GRID1: variants seen among roughly 807,000 people sequenced by gnomAD.
GRID1 encodes the protein glutamate receptor ionotropic, delta-1.
GRID1 carries 28 observed loss-of-function variants against 98.0 expected under a neutral mutation model. That is an observed-to-expected ratio of 0.29 (90% CI 0.21 to 0.39). The LOEUF (loss-of-function observed/expected upper bound fraction) is 0.39. GRID1 is among the 10% of genes least tolerant of loss of function. The probability of loss-of-function intolerance (pLI) is 1.00; values close to 1 mark genes in which losing one functional copy is unlikely to be tolerated. For synonymous variants in GRID1, 553 were observed against 538.5 expected, an observed-to-expected ratio of 1.03 and a Z score of -0.37; for missense variants, 1,111 against 1,340.5, an observed-to-expected ratio of 0.83 and a Z score of 2.67.
At position 85,916,068 on chromosome 10, in the gene GRID1, C is replaced by T. The variant is rs1331300686; in HGVS notation, c.780+118G>A. On this transcript the variant is annotated intron_variant, in intron 5 of 15. Transcript: ENST00000327946. The surrounding 1 kb of genome is among the most constrained non-coding windows in gnomAD (Gnocchi z 4.0). ...GAGTTTTTGCCTGGGCTAGGTGGAGCCCCAGGATTCACAACAGCCCCCTAA... is the reference window on the plus strand; with the variant it reads ...GAGTTTTTGCCTGGGCTAGGTGGAGTCCCAGGATTCACAACAGCCCCCTAA... 8 of 786,698 alleles carry T rather than the reference C, an allele frequency of 1.0e-5. No individual in the cohort carries two copies. The highest frequency in any genetic ancestry group is 1.7e-5 in the Non-Finnish European group (8 of 465,886). The allele number at this position is 786,698 out of a possible 1,614,324, so 48.7% of individuals were successfully genotyped here.
chr10:86,194,188 A>G (rs1162643981), intron 3 of GRID1, among the ~76,000 whole-genome samples: 1 of 152,106 alleles, frequency 6.6e-6, no homozygotes, highest in Admixed American at 6.6e-5. Flanking sequence ...TCTGCTTTCT[A>G]GCAATCCAAC....
chr10:85,880,171 A>G (rs1169106661), intron 5 of GRID1, among the ~76,000 whole-genome samples: 3 of 152,230 alleles, frequency 2.0e-5, no homozygotes, highest in African/African-American at 4.8e-5. Flanking sequence ...AGATGGATTC[A>G]CAGCCGAATT....
Position 85,724,361 on chromosome 10 carries a change from C to G in GRID1, c.1849G>C (p.Val617Leu), listed in dbSNP as rs1427231614. ...SAIWIVYGAF[V>L]QQGGESSVNS... ...GAAACCAGAAAGGTACCTTGCTGTA[C>G]GAAGGCTCCATAGACAATCCAGATG... Residue 617 changes from valine (V) to leucine (L), a missense_variant, in exon 11 of 16, where the codon GTA becomes CTA. Val to Leu is a conservative substitution (Grantham distance 32). Coordinates refer to ENST00000327946, the MANE Select transcript of GRID1 (RefSeq NM_017551.3). The G allele has an allele frequency of 3.1e-6, 5 of 1,612,428 alleles. No homozygotes were observed. Among genetic ancestry groups the G allele is most frequent in the Non-Finnish European group, 4.2e-6 (5 of 1,178,686 alleles).
chr10:85,749,867 C>T (rs577432368), intron 8 of GRID1, among the ~76,000 whole-genome samples: 18 of 152,324 alleles, frequency 1.2e-4, no homozygotes, highest in African/African-American at 4.3e-4. Flanking sequence ...TAAGTAGACT[C>T]CCCTACTAAG....
In GRID1 at chr10:85,604,910, C is replaced by G. The variant is rs147084255; in HGVS notation, c.2602-2209G>C. 3.9e-3 allele frequency among the ~76,000 whole-genome samples: 592 copies of G among 152,296 alleles called. 6 individuals are homozygous for G. Among genetic ancestry groups the G allele is most frequent in the African/African-American group, 0.014 (565 of 41,560 alleles). On this transcript the variant is annotated intron_variant, in intron 15 of 15. Coordinates refer to ENST00000327946, the MANE Select transcript of GRID1 (RefSeq NM_017551.3). ...ATTGCTTTTAGGGAGTTACTATCCC[C>G]ACCGGATAACAGTTTGACAGACTAT...
chr10:86,145,966 C>T (rs1845084364), intron 3 of GRID1, among the ~76,000 whole-genome samples: 2 of 152,190 alleles, frequency 1.3e-5, no homozygotes, highest in East Asian at 3.9e-4. Flanking sequence ...ATAATTTTTT[C>T]AAAATCTAAG....
chr10:86,083,687 A>G (rs771463083), intron 4 of GRID1, among the ~76,000 whole-genome samples: 1 of 152,220 alleles, frequency 6.6e-6, no homozygotes, highest in Admixed American at 6.5e-5. Flanking sequence ...TTATGTCGCT[A>G]TCTTCATCCC....
intron 2 of GRID1, among the ~76,000 whole-genome samples, chr10:86,301,993 C>T (rs1048192317): frequency 6.6e-6 from 1 of 152,252 alleles, no homozygotes; most frequent in Admixed American, 6.5e-5. Flanking sequence ...TGCTGCCTGG[C>T]TCCCAGGCCA....
intron 4 of GRID1, among the ~76,000 whole-genome samples, chr10:86,079,403 G>A (rs1362870474): frequency 6.6e-6 from 1 of 152,152 alleles, no homozygotes; most frequent in Non-Finnish European, 1.5e-5. Flanking sequence ...CCTCACTGTA[G>A]ATGATTTAAT....
intron 4 of GRID1, among the ~76,000 whole-genome samples, chr10:85,930,638 A>T (rs902469604): frequency 4.7e-5 from 7 of 148,068 alleles, no homozygotes; most frequent in African/African-American, 7.4e-5. Flanking sequence ...TTTTGACTTT[A>T]TTTTTTTTTT....
chr10:85,915,882 C>G (rs999161805), intron 5 of GRID1, among the ~76,000 whole-genome samples: 1 of 152,200 alleles, frequency 6.6e-6, no homozygotes, highest in African/African-American at 2.4e-5. Flanking sequence ...CCTAATTGCT[C>G]CAGCCCCTGG....
At position 86,111,607 on chromosome 10, in the gene GRID1, T is replaced by C. The variant is rs189783552; in HGVS notation, c.726+27212A>G. Among the ~76,000 whole-genome samples the C allele has an allele frequency of 5.9e-5, 9 of 152,344 alleles. No homozygotes were observed. In the East Asian group the frequency reaches 1.5e-3, roughly 26 times the overall value. On this transcript the variant is annotated intron_variant, in intron 4 of 15. Coordinates refer to ENST00000327946, the MANE Select transcript of GRID1 (RefSeq NM_017551.3). The stretch of plus-strand genomic sequence containing the variant: ...TGTCACTCACTTAACAGGTGGAATA[T>C]AAGGGACTTGGAGGGATAAAGGGGT...
intron 8 of GRID1, among the ~76,000 whole-genome samples, chr10:85,755,025 A>G (rs1842083148): frequency 6.6e-6 from 1 of 152,102 alleles, no homozygotes; most frequent in Non-Finnish European, 1.5e-5. Flanking sequence ...GCCCTCTTGG[A>G]ATATGAAGCA....
At chr10:86,037,154 C>G (rs1415482296) in intron 4 of GRID1, among the ~76,000 whole-genome samples, 2 of 152,188 alleles carry the variant, frequency 1.3e-5, no homozygotes, top group Admixed American at 6.5e-5. Context: ...AACCTGCCGT[C>G]CAAGCTTTGA....
intron 12 of GRID1, among the ~76,000 whole-genome samples, chr10:85,705,458 A>C (rs547479377): frequency 6.6e-6 from 1 of 152,206 alleles, no homozygotes; most frequent in Non-Finnish European, 1.5e-5. Flanking sequence ...AAATTGAGGC[A>C]ATAATTAATA....
chr10:85,683,834 C>T (rs1032575533), intron 12 of GRID1, among the ~76,000 whole-genome samples: 1 of 152,142 alleles, frequency 6.6e-6, no homozygotes, highest in Admixed American at 6.5e-5. Context: ...CACACTCTTA[C>T]AGATAATAAT....
At chr10:86,144,672 T>C (rs1400944579) in intron 3 of GRID1, among the ~76,000 whole-genome samples, 1 of 152,078 alleles carries the variant, frequency 6.6e-6, no homozygotes, top group Non-Finnish European at 1.5e-5. Flanking sequence ...CCTAATGCCC[T>C]CTCCCCCTGG....
chr10:85,931,309 C>T (rs1000761050), intron 4 of GRID1, among the ~76,000 whole-genome samples: 15 of 152,116 alleles, frequency 9.9e-5, no homozygotes, highest in Admixed American at 3.3e-4. Flanking sequence ...GTAAGAGCTA[C>T]ATGGTTGGGA....
intron 4 of GRID1, among the ~76,000 whole-genome samples, chr10:86,005,085 C>T (rs1842845040): frequency 6.6e-6 from 1 of 152,116 alleles, no homozygotes; most frequent in Admixed American, 6.5e-5. Flanking sequence ...TGGCAAGGAC[C>T]TGGATGGTGG....
Sources: gnomAD v4.1 joint callset for allele counts (sites outside exome capture counted in the v4.1 genomes callset) on GRCh38, gnomAD v4.1.1 for gene constraint, Gnocchi (gnomAD v3.1) non-coding constraint, MANE v1.5 for transcripts, NCBI Gene and HGNC (gene_info 2026-07-23, HGNC 2026-07-21) for gene names.